STIM1: variants seen among roughly 807,000 people sequenced by gnomAD.
STIM1 encodes the protein stromal interaction molecule 1.
In STIM1, 25 loss-of-function variants were observed where a neutral mutation model predicts 74.7. The observed-to-expected ratio is 0.33, with a 90% CI of 0.24 to 0.47. The LOEUF (loss-of-function observed/expected upper bound fraction) is 0.47, where lower values mean the gene tolerates loss of function less well. STIM1 is among the 20% of genes least tolerant of loss of function. The pLI, the probability that STIM1 is intolerant of heterozygous loss-of-function variation, is 1.00. For missense variants in STIM1, 728 were observed against 920.8 expected (o/e 0.79, Z 2.71); for synonymous variants, 328 against 348.8 (o/e 0.94, Z 0.66).
In STIM1 at chr11:3,979,881, C is replaced by A. The variant is rs2093484671; in HGVS notation, c.270+12199C>A. 2.0e-5 allele frequency among the ~76,000 whole-genome samples: 3 copies of A among 152,118 alleles called. No homozygotes were observed. In the South Asian group the frequency reaches 6.2e-4, roughly 32 times the overall value. The stretch of plus-strand genomic sequence containing the variant: ...CCTTACCTGGAATTAACCTCTTGTG[C>A]CCCTCCCTGCACCCCTAGCCCTGTC... On this transcript the variant is annotated intron_variant, in intron 2 of 12. Transcript: ENST00000526596.
chr11:4,065,569 C>T (rs1041114359), intron 5 of STIM1, among the ~76,000 whole-genome samples: 4 of 152,028 alleles, frequency 2.6e-5, no homozygotes, highest in African/African-American at 9.7e-5. Flanking sequence ...CATCAGCACC[C>T]AGCTTAAGAT....
intron 7 of STIM1, among the ~76,000 whole-genome samples, chr11:4,080,264 A>G (rs2094458057): frequency 6.6e-6 from 1 of 151,988 alleles, no homozygotes; most frequent in African/African-American, 2.4e-5. Context: ...ACAAAGTAAA[A>G]AAGTTCCCCA....
chr11:3,933,523 T>C (rs2092896323), intron 1 of STIM1, among the ~76,000 whole-genome samples: 1 of 152,226 alleles, frequency 6.6e-6, no homozygotes, highest in African/African-American at 2.4e-5. Context: ...TTTCCCAATG[T>C]AGTTACAGAC....
intron 7 of STIM1, among the ~76,000 whole-genome samples, chr11:4,074,936 C>G (rs1359058656): frequency 6.6e-6 from 1 of 152,052 alleles, no homozygotes; most frequent in Non-Finnish European, 1.5e-5. Flanking sequence ...GTTAGGAGAT[C>G]AAGATCAGCC....
At chr11:3,912,156 C>T (rs1410185995) in intron 1 of STIM1, among the ~76,000 whole-genome samples, 1 of 120,308 alleles carries the variant, frequency 8.3e-6, no homozygotes, top group African/African-American at 3.2e-5. Flanking sequence ...CCTCCCCTCC[C>T]TTCTCCCCTC....
chr11:3,976,309 T>C (rs2093448178), intron 2 of STIM1, among the ~76,000 whole-genome samples: 1 of 152,196 alleles, frequency 6.6e-6, no homozygotes, highest in Non-Finnish European at 1.5e-5. Flanking sequence ...TGTGATTCTA[T>C]TTATATGACA....
At chr11:3,980,000 A>G (rs2093485913) in intron 2 of STIM1, among the ~76,000 whole-genome samples, 1 of 152,068 alleles carries the variant, frequency 6.6e-6, no homozygotes. Flanking sequence ...CCTCATCTCA[A>G]TACTAACTCC....
intron 1 of STIM1, among the ~76,000 whole-genome samples, chr11:3,896,646 A>G (rs2092187101): frequency 6.6e-6 from 1 of 152,216 alleles, no homozygotes; most frequent in South Asian, 2.1e-4. Context: ...AGGGATAGAT[A>G]GAGACATGGG....
chr11:3,941,673 T>TATATAGAG (rs141623520), intron 1 of STIM1, among the ~76,000 whole-genome samples: 916 of 90,658 alleles, frequency 0.01, 12 homozygotes, highest in African/African-American at 0.032. Flanking sequence ...TATATATATA[T>TATATAGAG]AGAGAGAGAG....
intron 2 of STIM1, chr11:3,973,326 G>A: frequency 2.2e-6 from 1 of 448,620 alleles, no homozygotes; most frequent in African/African-American, 2.0e-5. Flanking sequence ...TCTTTGGCTA[G>A]ATGAAACACT....
At chr11:4,070,248 G>T in intron 6 of STIM1, 45 bp downstream of exon 6, 1 of 1,610,610 alleles carries the variant, frequency 6.2e-7, no homozygotes. Flanking sequence ...GCCAGTTCTT[G>T]GGAACCTCCT....
intron 2 of STIM1, among the ~76,000 whole-genome samples, chr11:4,015,622 A>G (rs2135979541): frequency 6.6e-6 from 1 of 152,324 alleles, no homozygotes; most frequent in Non-Finnish European, 1.5e-5. Flanking sequence ...TCTCCTGGAT[A>G]ATATCCTGAA....
At chr11:4,028,357 C>T (rs1208742619) in intron 3 of STIM1, among the ~76,000 whole-genome samples, 2 of 152,060 alleles carry the variant, frequency 1.3e-5, no homozygotes, top group Non-Finnish European at 2.9e-5. Context: ...GCTGGGATTA[C>T]AGGCGTGAGC....
intron 1 of STIM1, among the ~76,000 whole-genome samples, chr11:3,879,863 G>T (rs1302281432): frequency 2.0e-5 from 3 of 152,158 alleles, no homozygotes; most frequent in Non-Finnish European, 4.4e-5. Flanking sequence ...GAATGGTAAA[G>T]TAGCCCAGAT....
At chr11:3,921,726 T>C (rs544945048) in intron 1 of STIM1, 29 of 148,610 alleles carry the variant, frequency 2.0e-4, no homozygotes, top group African/African-American at 7.0e-4. Context: ...CATGATAGTG[T>C]ACAACTTCAG....
intron 1 of STIM1, among the ~76,000 whole-genome samples, chr11:3,925,804 A>G (rs1340421827): frequency 1.3e-5 from 2 of 152,226 alleles, no homozygotes. Context: ...AATTAGTTAT[A>G]ATAGAGGCTG....
At chr11:3,900,340 C>A (rs968583173) in intron 1 of STIM1, among the ~76,000 whole-genome samples, 1 of 152,174 alleles carries the variant, frequency 6.6e-6, no homozygotes, top group African/African-American at 2.4e-5. Flanking sequence ...CGTCTGTCGT[C>A]CCTTTCTTTG....
intron 4 of STIM1, among the ~76,000 whole-genome samples, chr11:4,055,976 A>G (rs1409717359): frequency 6.6e-6 from 1 of 152,226 alleles, no homozygotes; most frequent in African/African-American, 2.4e-5. Flanking sequence ...TATTGTATAT[A>G]GATGATGAAA....
chr11:3,884,277 T>C (rs142327877), intron 1 of STIM1, among the ~76,000 whole-genome samples: 6 of 152,294 alleles, frequency 3.9e-5, no homozygotes, highest in Admixed American at 6.5e-5. Flanking sequence ...TGCCCTGGTA[T>C]TGTGGGAGTG....
Sources: allele counts gnomAD v4.1 joint callset (sites outside exome capture counted in the v4.1 genomes callset), GRCh38; gene constraint gnomAD v4.1.1; transcripts MANE v1.5; gene names NCBI Gene and HGNC (gene_info 2026-07-23, HGNC 2026-07-21).